JAKMIP2: variants seen among roughly 807,000 people sequenced by gnomAD.
JAKMIP2 encodes janus kinase and microtubule-interacting protein 2.
JAKMIP2 carries 25 observed loss-of-function variants against 115.0 expected under a neutral mutation model. The ratio of observed to expected loss-of-function variants is 0.22; its 90% CI spans 0.16 to 0.30. JAKMIP2 has a LOEUF of 0.30. Among genes scored for constraint, JAKMIP2 ranks in the 10% least tolerant of loss-of-function variants. The pLI is 1.00. For synonymous variants in JAKMIP2, 334 were observed against 343.6 expected, an observed-to-expected ratio of 0.97 and a Z score of 0.31; for missense variants, 642 against 957.6, an observed-to-expected ratio of 0.67 and a Z score of 4.35.
intron 1 of JAKMIP2, among the ~76,000 whole-genome samples, chr5:147,690,338 A>G (rs1013236246): frequency 2.6e-5 from 4 of 152,058 alleles, no homozygotes; most frequent in South Asian, 4.2e-4. Flanking sequence ...GTCCCTAAAA[A>G]AAGCTTAAAA....
At chr5:147,760,094 TG>T (rs1370467590) in intron 1 of JAKMIP2, among the ~76,000 whole-genome samples, 1 of 152,040 alleles carries the variant, frequency 6.6e-6, no homozygotes, top group Non-Finnish European at 1.5e-5. Flanking sequence ...TTTACTAAAA[TG>T]GAGAGAAAGA....
chr5:147,751,250 G>GTTT (rs1754544081), intron 1 of JAKMIP2, among the ~76,000 whole-genome samples: 2 of 135,608 alleles, frequency 1.5e-5, no homozygotes, highest in African/African-American at 3.0e-5. Context: ...TTGTTTTTTT[G>GTTT]TTGTTGTTTT....
intron 1 of JAKMIP2, among the ~76,000 whole-genome samples, chr5:147,764,164 A>C (rs2127054558): frequency 6.6e-6 from 1 of 152,284 alleles, no homozygotes; most frequent in South Asian, 2.1e-4. Context: ...AGCATAGTAC[A>C]TGGCACACAG....
intron 14 of JAKMIP2, 33 bp from the exon 15 acceptor site, chr5:147,629,779 C>T: frequency 6.4e-7 from 1 of 1,571,828 alleles, no homozygotes; most frequent in African/African-American, 1.3e-5. Context: ...ATGTCAAAGA[C>T]AAATGTGGCC....
At chr5:147,637,629 G>A (rs542699636) in intron 10 of JAKMIP2, among the ~76,000 whole-genome samples, 163 of 151,794 alleles carry the variant, frequency 1.1e-3, no homozygotes, top group Non-Finnish European at 2.0e-3. Flanking sequence ...TAGTAGAGAT[G>A]GGGTTTCACC....
intron 1 of JAKMIP2, among the ~76,000 whole-genome samples, chr5:147,683,234 A>T (rs1760389555): frequency 6.6e-6 from 1 of 152,200 alleles, no homozygotes; most frequent in Non-Finnish European, 1.5e-5. Flanking sequence ...TCATGCCTGT[A>T]ATCCCAGCAC....
chr5:147,644,887 T>C lies in JAKMIP2; in HGVS notation c.1046A>G (p.Glu349Gly). ...ELMVSLQRME[E>G]KLKAVTKENS... ...TTCCTTGGTAACGGCTTTTAGTTTT[T>C]CTTCCATGCGCTGCAAGGACACCAT... The change falls in exon 6 of 22, where the codon GAA becomes GGA. Residue 349 changes from glutamate (E) to glycine (G), a missense_variant. This residue lies in a region of JAKMIP2 where 439 missense variants were observed against 570.9 expected (regional missense o/e 0.77). Transcript: ENST00000616793. 6.2e-7 allele frequency: 1 copy of C among 1,613,846 alleles called. No homozygotes were observed. Among genetic ancestry groups the C allele is most frequent in the Non-Finnish European group, 8.5e-7 (1 of 1,179,902 alleles).
chr5:147,732,889 C>G (rs1049353262), intron 1 of JAKMIP2, among the ~76,000 whole-genome samples: 1 of 152,194 alleles, frequency 6.6e-6, no homozygotes, highest in Non-Finnish European at 1.5e-5. Context: ...ATATCTAACA[C>G]CATTCTGCCA....
rs1554123568 is a variant in JAKMIP2 at position 147,598,462 on chromosome 5, T to TCTATCTATCTATCAC, written c.*20+3278_*20+3279insGTGATAGATAGATAG. ...TATCTATCTATCTATCTATCTATCA[T>TCTATCTATCTATCAC]CTATCTATGTATCATCTATCTATCT... is the stretch of plus-strand genomic sequence containing the variant. On this transcript the variant is annotated intron_variant, in intron 21 of 21. Coordinates refer to ENST00000616793, the MANE Select transcript of JAKMIP2 (RefSeq NM_001270941.2). Among the ~76,000 whole-genome samples the TCTATCTATCTATCAC allele has an allele frequency of 4.0e-3, 596 of 148,404 alleles. 2 individuals are homozygous for TCTATCTATCTATCAC. Among genetic ancestry groups the TCTATCTATCTATCAC allele is most frequent in the Admixed American group, 5.4e-3 (80 of 14,830 alleles).
chr5:147,671,991 A>G (rs1759625746), intron 1 of JAKMIP2, 37 bp from the exon 2 acceptor site: 3 of 1,224,124 alleles, frequency 2.5e-6, no homozygotes, highest in Non-Finnish European at 3.1e-6. Flanking sequence ...TTGTTTTGGC[A>G]AAGACCTGGT....
In JAKMIP2 at chr5:147,617,993, C is replaced by T; in HGVS notation, c.2264G>A (p.Arg755Gln). 2.5e-6 allele frequency: 4 copies of T among 1,614,180 alleles called. No homozygotes were observed. The highest frequency in any genetic ancestry group is 3.4e-6 in the Non-Finnish European group (4 of 1,180,024). ...TCTGCTCTTCCTCAGCATTTGCCGC[C>T]GTAACTTTTCTACTGCCGTCCTCAG... is the stretch of plus-strand genomic sequence containing the variant. ...EELRTAVEKL[R>Q]RQMLRKSREY... is the part of the protein sequence containing the mutation. Residue 755 changes from arginine (R) to glutamine (Q), a missense_variant, in exon 19 of 22, where the codon CGG becomes CAG. Physicochemically the swap from Arg to Gln is conservative, Grantham distance 43. Transcript: ENST00000616793.
Position 147,588,402 on chromosome 5 carries a change from T to G in JAKMIP2, c.*3305A>C, listed in dbSNP as rs966556850. On this transcript the variant is annotated 3_prime_UTR_variant, in exon 22 of 22. Coordinates refer to ENST00000616793, the MANE Select transcript of JAKMIP2 (RefSeq NM_001270941.2). The stretch of plus-strand genomic sequence containing the variant: ...TGGGGCCACAGGAAATCTCAGTTAT[T>G]GATAACTTTTTTTTTTTTTTTTTTG... The G allele has an allele frequency of 1.3e-5, 2 of 149,866 alleles. No individual in the cohort carries two copies. The highest frequency in any genetic ancestry group is 3.0e-5 in the Non-Finnish European group (2 of 67,648). 9.3% of individuals were successfully genotyped at this position (149,866 alleles called of 1,614,324 possible). A position where few individuals can be genotyped will look rare whatever the true frequency, so the allele number is the denominator to read the frequency against.
chr5:147,597,007 G>T (rs931236385), intron 21 of JAKMIP2, among the ~76,000 whole-genome samples: 2 of 151,390 alleles, frequency 1.3e-5, no homozygotes, highest in African/African-American at 4.8e-5. Context: ...CAAGTAGCTG[G>T]GATTATAGGC....
intron 1 of JAKMIP2, among the ~76,000 whole-genome samples, chr5:147,676,259 C>A (rs1400069167): frequency 1.3e-5 from 2 of 152,160 alleles, no homozygotes; most frequent in African/African-American, 4.8e-5. Context: ...TGGCGTGAAC[C>A]CGGGAGGCGG....
At chr5:147,636,674 T>C (rs1372892872) in intron 11 of JAKMIP2, among the ~76,000 whole-genome samples, 1 of 151,520 alleles carries the variant, frequency 6.6e-6, no homozygotes, top group Non-Finnish European at 1.5e-5. Context: ...GCTGGAGGGG[T>C]GGGTCTTGGT....
chr5:147,782,579 T>A lies in JAKMIP2; in HGVS notation c.-272A>T. The A allele has an allele frequency of 9.9e-7, 1 of 1,005,696 alleles. No individual in the cohort carries two copies. Among genetic ancestry groups the A allele is most frequent in the Non-Finnish European group, 1.5e-6 (1 of 663,928 alleles). 62.3% of individuals were successfully genotyped at this position (1,005,696 alleles called of 1,614,324 possible). A position where few individuals can be genotyped will look rare whatever the true frequency, so the allele number is the denominator to read the frequency against. On this transcript the variant is annotated 5_prime_UTR_variant, in exon 1 of 22. Coordinates refer to ENST00000616793, the MANE Select transcript of JAKMIP2 (RefSeq NM_001270941.2). ...CAGCAGTGGCTGCCGGTTTTTTTTT[T>A]CCCTCTGTCTCTGGTTGGCGATGGT...
intron 3 of JAKMIP2, chr5:147,660,671 T>C: frequency 2.3e-6 from 1 of 433,996 alleles, no homozygotes; most frequent in Non-Finnish European, 4.2e-6. Context: ...TCCTTGGAGA[T>C]ACTTTCCATA....
intron 20 of JAKMIP2, among the ~76,000 whole-genome samples, chr5:147,607,515 G>C (rs1756088060): frequency 6.6e-6 from 1 of 152,166 alleles, no homozygotes; most frequent in Admixed American, 6.5e-5. Context: ...TGCATCCCAG[G>C]GATGAAGCCA....
At chr5:147,720,100 GC>G in intron 1 of JAKMIP2, among the ~76,000 whole-genome samples, 1 of 151,870 alleles carries the variant, frequency 6.6e-6, no homozygotes, top group Non-Finnish European at 1.5e-5. Context: ...TTTCTCCTTT[GC>G]TTATGAAGCT....
Sources: allele counts gnomAD v4.1 joint callset (sites outside exome capture counted in the v4.1 genomes callset), GRCh38; gene constraint gnomAD v4.1.1; regional missense constraint gnomAD v4.1.1; transcripts MANE v1.5; gene names NCBI Gene and HGNC (gene_info 2026-07-23, HGNC 2026-07-21).